The following SAMD4B variants were observed in gnomAD, a reference collection of about 807,000 sequenced individuals.
SAMD4B encodes sterile alpha motif domain containing 4B, also known as protein Smaug homolog 2.
A neutral mutation model predicts 74.5 loss-of-function variants in SAMD4B; 5 were observed. The ratio of observed to expected loss-of-function variants is 0.07; its 90% confidence interval spans 0.04 to 0.14. The LOEUF is 0.14. Ranked by LOEUF, SAMD4B falls within the 10% of genes least tolerant of loss-of-function variation. SAMD4B has a pLI of 1.00. For synonymous variants in SAMD4B, 373 were observed against 374.9 expected (o/e 1.00, Z 0.06); for missense variants, 608 against 921.8 (o/e 0.66, Z 4.41).
chr19:39,381,553 CA>C (rs1337476783), intron 12 of SAMD4B, among the ~76,000 whole-genome samples: 56 of 152,312 alleles, frequency 3.7e-4, no homozygotes, highest in African/African-American at 1.3e-3. Flanking sequence ...GGTGACCACA[CA>C]GGAACCAGTG....
At chr19:39,358,602 TAA>T (rs35430173) in intron 3 of SAMD4B, among the ~76,000 whole-genome samples, 12 of 130,278 alleles carry the variant, frequency 9.2e-5, no homozygotes, top group Admixed American at 1.6e-4. Context: ...GTAACCTCAG[TAA>T]AAAAAAAAAA....
chr19:39,353,763 G>A (rs1301215184), intron 1 of SAMD4B, among the ~76,000 whole-genome samples: 4 of 151,926 alleles, frequency 2.6e-5, no homozygotes, highest in East Asian at 3.9e-4. Flanking sequence ...CACCACACCC[G>A]GCTAATTTTT....
chr19:39,348,127 C>G (rs578140567), intron 1 of SAMD4B, among the ~76,000 whole-genome samples: 1 of 152,124 alleles, frequency 6.6e-6, no homozygotes, highest in Non-Finnish European at 1.5e-5. Flanking sequence ...ACATTCTAAT[C>G]TAAGCATTGT....
chr19:39,389,874 T>A, downstream of SAMD4B: 1 of 1,430,284 alleles, frequency 7.0e-7, no homozygotes, highest in Non-Finnish European at 9.8e-7. This position sits in a 1 kb window ranked among gnomAD's most constrained non-coding sequence, Gnocchi z 5.3. Context: ...GTGTCCCCCA[T>A]GGCAGAGTCT....
In SAMD4B at chr19:39,381,081, C is replaced by T. The variant is rs775268356; in HGVS notation, c.1940C>T (p.Ser647Leu). The stretch of plus-strand genomic sequence containing the variant: ...CGCACCCACTCGCTCCCGGTCCACT[C>T]GTCACCCCAGGCCATTCTCATGTTC... ...VQRTHSLPVH[S>L]SPQAILMFPP... The change falls in exon 12 of 14, where the codon TCG (serine) becomes TTG (leucine). Residue 647 changes from serine (S) to leucine (L), a missense_variant. This residue lies in a region of SAMD4B where 167 missense variants were observed against 193.0 expected (regional missense o/e 0.87). Transcript: ENST00000610417. 1 of 1,612,650 alleles carries T rather than the reference C, an allele frequency of 6.2e-7. No homozygotes were observed. Among genetic ancestry groups the T allele is most frequent in the Non-Finnish European group, 8.5e-7 (1 of 1,179,840 alleles).
intron 3 of SAMD4B, among the ~76,000 whole-genome samples, chr19:39,368,619 C>T (rs1305956313): frequency 6.6e-6 from 1 of 152,162 alleles, no homozygotes; most frequent in Non-Finnish European, 1.5e-5. Context: ...TGGTCAGGAA[C>T]ATGACATCCT....
At chr19:39,387,884 T>C (rs562015419), downstream of SAMD4B, among the ~76,000 whole-genome samples, 9 of 152,306 alleles carry the variant, frequency 5.9e-5, no homozygotes, top group Non-Finnish European at 1.2e-4. Flanking sequence ...ACACCTGTAA[T>C]CCCAGCACTT....
At position 39,369,800 on chromosome 19, in the gene SAMD4B, G is replaced by A; in HGVS notation, c.342G>A (p.Glu114=). Residue 114 remains glutamate (E), a synonymous_variant, in exon 4 of 14, where the codon GAG becomes GAA. Transcript: ENST00000610417. ...LLQKVLAYSI[E]SNAFIEESRQ... is the part of the protein sequence containing the mutation. ...AGAAAGTGCTGGCCTACTCAATCGA[G>A]AGCAATGCTTTCATCGAGGAGAGTC... is the stretch of plus-strand genomic sequence containing the variant. 6.2e-7 allele frequency: 1 copy of A among 1,614,232 alleles called. No homozygotes were observed. Among genetic ancestry groups the A allele is most frequent in the Non-Finnish European group, 8.5e-7 (1 of 1,180,032 alleles).
chr19:39,375,489 G>T lies in SAMD4B; in HGVS notation c.668-161G>T, dbSNP rs917545478. ...GATGGGTTGGGTGTTGGAGGTAAGA[G>T]AATGAGGTATATCTGGTAGGCAGTT... On this transcript the variant is annotated intron_variant, in intron 4 of 13. Coordinates refer to ENST00000610417, the MANE Select transcript of SAMD4B (RefSeq NM_001384574.2). The surrounding 1 kb of genome is among the most constrained non-coding windows in gnomAD (Gnocchi z 4.1). Among the ~76,000 whole-genome samples the T allele has an allele frequency of 6.6e-6, 1 of 152,202 alleles. No homozygotes were observed. The highest frequency in any genetic ancestry group is 1.5e-5 in the Non-Finnish European group (1 of 68,034).
chr19:39,378,626 C>A lies in SAMD4B; in HGVS notation c.1530+37C>A, dbSNP rs371243402. On this transcript the variant is annotated intron_variant, in intron 9 of 13. Transcript: ENST00000610417. This position sits in a 1 kb window ranked among gnomAD's most constrained non-coding sequence, Gnocchi z 4.4. ...CCTAGCATACTCAAAAAGGGAAAGG[C>A]GGCCAGGCGTGGTGGTTCACGCCTG... is the stretch of plus-strand genomic sequence containing the variant. The A allele has an allele frequency of 6.3e-7, 1 of 1,590,220 alleles. No individual in the cohort carries two copies. The highest frequency in any genetic ancestry group is 8.6e-7 in the Non-Finnish European group (1 of 1,159,348).
intron 10 of SAMD4B, among the ~76,000 whole-genome samples, chr19:39,380,313 A>G (rs2077884401): frequency 6.6e-6 from 1 of 152,254 alleles, no homozygotes; most frequent in African/African-American, 2.4e-5. Context: ...CTGTATGCAG[A>G]GGGCCTGGAA....
chr19:39,380,565 C>T, intron 10 of SAMD4B, 22 bp from the exon 11 acceptor site: 1 of 1,613,670 alleles, frequency 6.2e-7, no homozygotes, highest in Middle Eastern at 1.7e-4. Context: ...AAATTAACAC[C>T]CTGCCTTCTG....
At position 39,370,025 on chromosome 19, in the gene SAMD4B, C is replaced by T. The variant is rs747559899; in HGVS notation, c.567C>T (p.Gly189=). The T allele has an allele frequency of 1.8e-5, 29 of 1,612,310 alleles. No individual in the cohort carries two copies. The highest frequency in any genetic ancestry group is 2.2e-5 in the South Asian group (2 of 90,816). Residue 189 remains glycine, a synonymous_variant, in exon 4 of 14, where the codon GGC becomes GGT. Coordinates refer to ENST00000610417, the MANE Select transcript of SAMD4B (RefSeq NM_001384574.2). ...TAGGCCCTGGGGAGGCAGGGCCAGGCTGGCAGGACAAGCCACCCCGGGAAA... is the reference window on the plus strand; with the variant it reads ...TAGGCCCTGGGGAGGCAGGGCCAGGTTGGCAGGACAAGCCACCCCGGGAAA... ...AELGPGEAGP[G]WQDKPPRENG...
chr19:39,369,291 T>A (rs2145670490), intron 3 of SAMD4B: 1 of 307,436 alleles, frequency 3.3e-6, no homozygotes, highest in African/African-American at 2.2e-5. Flanking sequence ...TATGGTGACC[T>A]CCTAGGAGTG....
chr19:39,361,650 G>A (rs1262462068), intron 3 of SAMD4B, among the ~76,000 whole-genome samples: 10 of 149,618 alleles, frequency 6.7e-5, no homozygotes, highest in Non-Finnish European at 8.9e-5. Context: ...CCGGCCGGGC[G>A]CGGTGGCTCA....
intron 3 of SAMD4B, among the ~76,000 whole-genome samples, chr19:39,361,168 G>A (rs189480728): frequency 6.6e-6 from 1 of 152,276 alleles, no homozygotes; most frequent in East Asian, 1.9e-4. Flanking sequence ...TTTCTTTTGG[G>A]AGAGGCCCAG....
At chr19:39,377,376 C>A in intron 7 of SAMD4B, 109 bp from the exon 8 acceptor site, 1 of 898,870 alleles carries the variant, frequency 1.1e-6, no homozygotes, top group South Asian at 1.9e-5. Context: ...TGCTGGAACC[C>A]AGGGTCCTAC....
downstream of SAMD4B, chr19:39,389,088 A>G (rs1352856386): frequency 1.2e-6 from 2 of 1,612,902 alleles, no homozygotes; most frequent in Admixed American, 3.3e-5. This position sits in a 1 kb window ranked among gnomAD's most constrained non-coding sequence, Gnocchi z 5.3. Context: ...CAGTCCCTCA[A>G]TTACTGATTT....
intron 5 of SAMD4B, 146 bp downstream of exon 5, chr19:39,376,035 C>A: frequency 9.1e-7 from 1 of 1,099,722 alleles, no homozygotes; most frequent in Non-Finnish European, 1.3e-6. Flanking sequence ...GCTTTTAGGG[C>A]TCAGGACTAA....
Sources: allele counts gnomAD v4.1 joint callset (sites outside exome capture counted in the v4.1 genomes callset), GRCh38; gene constraint gnomAD v4.1.1; regional missense constraint gnomAD v4.1.1; non-coding constraint Gnocchi (gnomAD v3.1); transcripts MANE v1.5; gene names NCBI Gene and HGNC (gene_info 2026-07-23, HGNC 2026-07-21).